The following PLCH1 variants were observed in gnomAD, a reference collection of about 807,000 sequenced individuals.
PLCH1 encodes the protein phospholipase C eta 1, also known as 1-phosphatidylinositol 4,5-bisphosphate phosphodiesterase eta-1.
In PLCH1, 60 loss-of-function variants were observed where a neutral mutation model predicts 126.7. The observed-to-expected ratio is 0.47, with a 90% confidence interval of 0.38 to 0.59. The LOEUF (loss-of-function observed/expected upper bound fraction) is 0.59. Among genes scored for constraint, PLCH1 ranks in the 20% least tolerant of loss-of-function variants. The pLI is 0.00. For missense variants in PLCH1, 1,723 were observed against 2,040.0 expected (o/e 0.84, Z 2.99); for synonymous variants, 719 against 734.9 (o/e 0.98, Z 0.35).
intron 21 of PLCH1, 60 bp downstream of exon 21, chr3:155,487,968 A>G: frequency 9.7e-7 from 1 of 1,030,366 alleles, no homozygotes; most frequent in South Asian, 1.3e-5. Flanking sequence ...GCAATTAATC[A>G]GTAGCATTGT....
At chr3:155,486,967 GGCAAGACC>G in intron 21 of PLCH1, 1 of 152,252 alleles carries the variant, frequency 6.6e-6, no homozygotes, top group East Asian at 1.9e-4. Flanking sequence ...TTAGATGAGA[GGCAAGACC>G]CCAACAAGCA....
At chr3:155,592,527 C>T (rs1281419824) in intron 4 of PLCH1, among the ~76,000 whole-genome samples, 1 of 151,412 alleles carries the variant, frequency 6.6e-6, no homozygotes, top group African/African-American at 2.4e-5. Flanking sequence ...AGAAGAAACT[C>T]TACTACCTCT....
At chr3:155,540,426 A>G (rs1724077680) in intron 10 of PLCH1, among the ~76,000 whole-genome samples, 1 of 152,242 alleles carries the variant, frequency 6.6e-6, no homozygotes, top group Non-Finnish European at 1.5e-5. Context: ...CTGCATAGCA[A>G]AAGAAATAAT....
Position 155,526,489 on chromosome 3 carries a change from T to TACACACACACACAC in PLCH1, c.1363-2499_1363-2486dup, listed in dbSNP as rs35144196. On this transcript the variant is annotated intron_variant, in intron 10 of 22. Coordinates refer to ENST00000460012, the MANE Select transcript of PLCH1 (RefSeq NM_014996.4). ...TTCTCTCTTCTTTCTCTCTCTCTCA[T>TACACACACACACAC]ACACACACACACACACACACACACA... Among the ~76,000 whole-genome samples the TACACACACACACAC allele has an allele frequency of 5.1e-4, 65 of 126,662 alleles. 1 individual carries two copies. Among genetic ancestry groups the TACACACACACACAC allele is most frequent in the African/African-American group, 1.7e-3 (60 of 35,402 alleles). The allele number at this position is 126,662 out of a possible 152,430, so 83.1% of individuals were successfully genotyped here.
In PLCH1 at chr3:155,726,456, GA is replaced by G. The variant is rs369208012; in HGVS notation, c.-41+18383del. ...TGTCAGGATAATTTGTCATGTCTTT[GA>G]AGCTAAGCTTAAGATCCTCTCTTTA... On this transcript the variant is annotated intron_variant, in intron 1 of 22. Transcript: ENST00000460012. 7.1e-3 allele frequency among the ~76,000 whole-genome samples: 1,085 copies of G among 152,210 alleles called. 15 individuals carry two copies. Among genetic ancestry groups the G allele is most frequent in the African/African-American group, 0.025 (1,043 of 41,532 alleles).
At chr3:155,523,813 A>C in intron 11 of PLCH1, 84 bp downstream of exon 11, 1 of 723,178 alleles carries the variant, frequency 1.4e-6, no homozygotes, top group Non-Finnish European at 2.4e-6. Context: ...CATAATTGTG[A>C]GGCCTCCAAC....
At chr3:155,526,464 TTCTCTCTTCTTTCTC>T (rs1721940567) in intron 10 of PLCH1, among the ~76,000 whole-genome samples, 1 of 118,220 alleles carries the variant, frequency 8.5e-6, no homozygotes, top group Non-Finnish European at 1.8e-5. Context: ...TCTTCTCTCT[TTCTCTCTTCTTTCTC>T]TCTCTCTCAT....
intron 22 of PLCH1, among the ~76,000 whole-genome samples, chr3:155,483,786 A>G (rs1714561956): frequency 6.6e-6 from 1 of 152,160 alleles, no homozygotes; most frequent in African/African-American, 2.4e-5. Context: ...AAACCATAAA[A>G]ACACAATTCA....
chr3:155,642,476 T>C (rs1739513651), intron 2 of PLCH1, among the ~76,000 whole-genome samples: 1 of 152,182 alleles, frequency 6.6e-6, no homozygotes, highest in African/African-American at 2.4e-5. Context: ...TGATTAAACA[T>C]AATTTGTGGG....
intron 2 of PLCH1, among the ~76,000 whole-genome samples, chr3:155,654,400 T>C (rs1741124610): frequency 6.6e-6 from 1 of 152,034 alleles, no homozygotes; most frequent in Admixed American, 6.6e-5. Flanking sequence ...CTACAACCTC[T>C]CTCCTGAGGT....
chr3:155,696,506 A>G (rs1745816815), intron 2 of PLCH1, among the ~76,000 whole-genome samples: 1 of 152,208 alleles, frequency 6.6e-6, no homozygotes, highest in Non-Finnish European at 1.5e-5. Flanking sequence ...ATTTCTGTGC[A>G]TACATTAGAA....
chr3:155,735,090 T>C (rs1397208457), intron 1 of PLCH1, among the ~76,000 whole-genome samples: 2 of 152,132 alleles, frequency 1.3e-5, no homozygotes, highest in African/African-American at 4.8e-5. Context: ...GAGGACATTA[T>C]GGTAAATGAA....
intron 10 of PLCH1, among the ~76,000 whole-genome samples, chr3:155,524,557 CAT>C (rs1721650805): frequency 6.6e-6 from 1 of 152,110 alleles, no homozygotes; most frequent in Admixed American, 6.6e-5. Flanking sequence ...TTAAGCTAAT[CAT>C]TACTTCAGAC....
rs79007250 is a variant in PLCH1 at position 155,585,864 on chromosome 3, A to G, written c.600+201T>C. On this transcript the variant is annotated intron_variant, in intron 5 of 22. Transcript: ENST00000460012. ...AGCAACGATAACAAAAAAGCGTTTT[A>G]GGAAGTGAAATTTTGGACGAATGTT... Among the ~76,000 whole-genome samples the G allele has an allele frequency of 2.3e-3, 355 of 152,354 alleles. 2 individuals are homozygous for G. The highest frequency in any genetic ancestry group is 3.5e-3 in the Admixed American group (54 of 15,298).
chr3:155,524,012 G>A lies in PLCH1; in HGVS notation c.1363-8C>T. The A allele has an allele frequency of 6.9e-7, 1 of 1,456,472 alleles. No homozygotes were observed. The highest frequency in any genetic ancestry group is 1.8e-5 in the Admixed American group (1 of 56,546). 90.2% of individuals were successfully genotyped at this position (1,456,472 alleles called of 1,614,324 possible). ...ATAAGGCAACTTCTTACCCTGAAAT[G>A]GAACAAAACATCCCATTTAAAAATG... On this transcript the variant is annotated splice_polypyrimidine_tract_variant and splice_region_variant and intron_variant, in intron 10 of 22. Transcript: ENST00000460012.
At chr3:155,548,635 G>T (rs181121404) in intron 10 of PLCH1, among the ~76,000 whole-genome samples, 94 of 152,234 alleles carry the variant, frequency 6.2e-4, no homozygotes, top group Non-Finnish European at 4.1e-4. Context: ...CATTTACAAG[G>T]TTATAAAGAT....
At chr3:155,548,036 T>G (rs1028926787) in intron 10 of PLCH1, among the ~76,000 whole-genome samples, 3 of 152,000 alleles carry the variant, frequency 2.0e-5, no homozygotes, top group Admixed American at 1.3e-4. Context: ...ACTTAAAGTA[T>G]AATAATAATA....
intron 2 of PLCH1, among the ~76,000 whole-genome samples, chr3:155,662,784 C>T (rs903030754): frequency 6.6e-6 from 1 of 152,146 alleles, no homozygotes; most frequent in Admixed American, 6.5e-5. Context: ...CATCCCTCAG[C>T]CTCCAAGTAG....
chr3:155,716,618 A>T (rs1218622437), intron 1 of PLCH1, among the ~76,000 whole-genome samples: 2 of 152,152 alleles, frequency 1.3e-5, no homozygotes, highest in Admixed American at 1.3e-4. Flanking sequence ...CAACAACCAG[A>T]TCTCACAAGA....
Sources: allele counts gnomAD v4.1 joint callset (sites outside exome capture counted in the v4.1 genomes callset), GRCh38; gene constraint gnomAD v4.1.1; transcripts MANE v1.5; gene names NCBI Gene and HGNC (gene_info 2026-07-23, HGNC 2026-07-21).